The following BRD10 variants were observed in gnomAD, a reference collection of about 807,000 sequenced individuals.
BRD10 encodes bromodomain containing 10.
the BRD10 span, chr9:5,953,999 A>G: frequency 4.2e-5 from 63 of 1,491,660 alleles, no homozygotes; most frequent in Non-Finnish European, 5.7e-5. Context: ...ATTTCGAGAC[A>G]AAGTTGAAAC....
chr9:6,004,440 C>T, the BRD10 span, among the ~76,000 whole-genome samples: 2 of 152,202 alleles, frequency 1.3e-5, no homozygotes, highest in Non-Finnish European at 2.9e-5. Flanking sequence ...AAGTTATATG[C>T]TGTGTCCAGG....
chr9:5,909,607 C>T, the BRD10 span: 3 of 152,208 alleles, frequency 2.0e-5, no homozygotes, highest in Non-Finnish European at 4.4e-5. Flanking sequence ...TTACATTTCA[C>T]TTCAAGGCTC....
At chr9:5,907,536 T>C in the BRD10 span, among the ~76,000 whole-genome samples, 1 of 152,330 alleles carries the variant, frequency 6.6e-6, no homozygotes, top group East Asian at 1.9e-4. Flanking sequence ...AGATAAATGG[T>C]TCATTAATGA....
the BRD10 span, among the ~76,000 whole-genome samples, chr9:5,884,118 G>A: frequency 5.9e-5 from 9 of 152,140 alleles, no homozygotes; most frequent in Admixed American, 1.3e-4. Context: ...CCAGAGCCCT[G>A]CCATTCAGGT....
the BRD10 span, among the ~76,000 whole-genome samples, chr9:5,949,173 A>C: frequency 6.6e-6 from 1 of 151,998 alleles, no homozygotes; most frequent in East Asian, 1.9e-4. Context: ...TAATGATATA[A>C]TCAAAACATC....
At chr9:5,954,203 T>C in the BRD10 span, 1 of 639,694 alleles carries the variant, frequency 1.6e-6, no homozygotes, top group Non-Finnish European at 2.7e-6. Context: ...AACAGATGGC[T>C]GCTAGTGAGT....
chr9:6,004,570 C>A, the BRD10 span, among the ~76,000 whole-genome samples: 1 of 152,212 alleles, frequency 6.6e-6, no homozygotes, highest in Non-Finnish European at 1.5e-5. Context: ...AGTCTCTTTA[C>A]ACTTTGAAAA....
the BRD10 span, among the ~76,000 whole-genome samples, chr9:5,984,471 C>T: frequency 2.0e-5 from 3 of 151,940 alleles, no homozygotes; most frequent in East Asian, 1.9e-4. Flanking sequence ...TTATAATAGG[C>T]CAACACTGGA....
At chr9:5,920,744 G>A in the BRD10 span, 4 of 1,613,848 alleles carry the variant, frequency 2.5e-6, no homozygotes, top group East Asian at 6.7e-5. Context: ...TGTAGTCGCA[G>A]GTGTAGGTAA....
the BRD10 span, chr9:6,007,158 C>G: frequency 6.3e-7 from 1 of 1,586,326 alleles, no homozygotes; most frequent in Non-Finnish European, 8.6e-7. Context: ...GTGTTTGTGT[C>G]AGTCTGTCAG....
At chr9:5,896,702 C>T in the BRD10 span, among the ~76,000 whole-genome samples, 15 of 152,156 alleles carry the variant, frequency 9.9e-5, no homozygotes, top group Admixed American at 3.9e-4. Context: ...GATGCTTGCC[C>T]GGAGTGAACA....
At chr9:5,909,029 A>G in the BRD10 span, 10 of 313,386 alleles carry the variant, frequency 3.2e-5, no homozygotes, top group East Asian at 3.8e-4. Context: ...GGGCCATCCA[A>G]TTTCTCTTTA....
the BRD10 span, chr9:5,891,324 T>C: frequency 1.3e-5 from 2 of 152,234 alleles, no homozygotes; most frequent in Non-Finnish European, 2.9e-5. Flanking sequence ...ATTAAAACAA[T>C]TTAATGAAGA....
chr9:6,005,527 T>G, the BRD10 span, among the ~76,000 whole-genome samples: 1 of 152,148 alleles, frequency 6.6e-6, no homozygotes, highest in African/African-American at 2.4e-5. Flanking sequence ...AAATAAATGT[T>G]TATTACACAC....
At chr9:5,960,695 T>C in the BRD10 span, among the ~76,000 whole-genome samples, 2 of 152,220 alleles carry the variant, frequency 1.3e-5, no homozygotes, top group Non-Finnish European at 2.9e-5. Flanking sequence ...GTAATCTTTT[T>C]TGTGTTTTTT....
chr9:5,940,674 T>C, the BRD10 span, among the ~76,000 whole-genome samples: 2 of 152,310 alleles, frequency 1.3e-5, no homozygotes, highest in South Asian at 2.1e-4. Context: ...AAATACACCA[T>C]TGTGTACATT....
the BRD10 span, chr9:6,008,307 C>G: frequency 2.0e-6 from 2 of 984,860 alleles, no homozygotes; most frequent in African/African-American, 1.7e-5. Context: ...CAGAAGGAGG[C>G]GGTGCACGGA....
At chr9:5,975,602 G>T in the BRD10 span, among the ~76,000 whole-genome samples, 1 of 152,056 alleles carries the variant, frequency 6.6e-6, no homozygotes, top group African/African-American at 2.4e-5. Flanking sequence ...TGTCTGAGAT[G>T]AAAATACACA....
the BRD10 span, among the ~76,000 whole-genome samples, chr9:5,940,488 T>C: frequency 5.9e-4 from 90 of 152,310 alleles, no homozygotes; most frequent in South Asian, 0.01. Context: ...CCACCGCGCC[T>C]GGCCTATTGT....
Sources: gnomAD v4.1 joint callset for allele counts (sites outside exome capture counted in the v4.1 genomes callset) on GRCh38, gnomAD v4.1.1 for gene constraint, MANE v1.5 for transcripts, NCBI Gene and HGNC (gene_info 2026-07-23, HGNC 2026-07-21) for gene names.